Variants in ING1 observed in about 807,000 individuals in gnomAD.
ING1 encodes the protein inhibitor of growth protein 1.
Under a neutral mutation model 23.1 loss-of-function variants are expected in ING1, and 4 were observed. That is an observed-to-expected ratio of 0.17 (90% confidence interval 0.09 to 0.40). The LOEUF (loss-of-function observed/expected upper bound fraction) is 0.40. ING1 is among the 10% of genes least tolerant of loss of function. The probability of loss-of-function intolerance (pLI) is 1.00; values close to 1 mark genes in which losing one functional copy is unlikely to be tolerated. For missense variants in ING1, 256 were observed against 393.8 expected (o/e 0.65, Z 2.96); for synonymous variants, 179 against 166.4 (o/e 1.08, Z -0.58).
At chr13:110,714,886 T>TAGGGGCCGACTGCG in intron 1 of ING1, 1 of 707,704 alleles carries the variant, frequency 1.4e-6, no homozygotes, top group Non-Finnish European at 1.7e-6. Flanking sequence ...GGACACCGAG[T>TAGGGGCCGACTGCG]AGGGGCCGAC....
chr13:110,713,297 G>T, upstream of ING1: 2 of 1,236,908 alleles, frequency 1.6e-6, no homozygotes, highest in Non-Finnish European at 2.0e-6. Flanking sequence ...GGTAGTTGCT[G>T]TGTACCATGG....
intron 1 of ING1, among the ~76,000 whole-genome samples, chr13:110,714,817 C>G (rs1199927121): frequency 1.3e-5 from 2 of 152,244 alleles, no homozygotes; most frequent in African/African-American, 4.8e-5. Flanking sequence ...CCGGGTAGTA[C>G]TCCGCTCGGG....
rs1326757059 is a variant in ING1, at chr13:110,721,265, TTTTCATTTATTA to T, written c.*1337_*1348del. Reference sequence around the variant, plus strand: ...CCACATATTGAAAGGGTCAGTGGAGTTTTCATTTATTATTTTTTATTTTTTTGAGATTGAGTT... The same window carrying T: ...CCACATATTGAAAGGGTCAGTGGAGTTTTTTTATTTTTTTGAGATTGAGTT... On this transcript the variant is annotated 3_prime_UTR_variant, in exon 2 of 2. Coordinates refer to ENST00000333219, the MANE Select transcript of ING1 (RefSeq NM_198219.3). 1.3e-5 allele frequency: 2 copies of T among 152,276 alleles called. No homozygotes were observed. Among genetic ancestry groups the T allele is most frequent in the Non-Finnish European group, 2.9e-5 (2 of 67,996 alleles). The allele number at this position is 152,276 out of a possible 1,614,324, so 9.4% of individuals were successfully genotyped here.
At chr13:110,713,339 G>T (rs2064060766), upstream of ING1, 2 of 1,110,480 alleles carry the variant, frequency 1.8e-6, no homozygotes, top group African/African-American at 1.6e-5. Flanking sequence ...GGCCCGTTAG[G>T]TCCTGGTCGG....
intron 1 of ING1, among the ~76,000 whole-genome samples, chr13:110,714,598 T>A (rs1012519856): frequency 6.6e-6 from 1 of 152,128 alleles, no homozygotes; most frequent in East Asian, 1.9e-4. Flanking sequence ...CCAAGCCGCG[T>A]CCTCTAGGAG....
chr13:110,712,862 C>T, upstream of ING1: 4 of 1,274,686 alleles, frequency 3.1e-6, no homozygotes, highest in South Asian at 3.8e-5. Flanking sequence ...GCCCCTTTGT[C>T]TCCAAGCCGT....
At chr13:110,716,056 C>T (rs751703602) in intron 1 of ING1, 22 of 1,474,632 alleles carry the variant, frequency 1.5e-5, no homozygotes, top group Non-Finnish European at 1.5e-5. Flanking sequence ...GGCGCAGAAA[C>T]TTTTCTGGAA....
In ING1 at chr13:110,714,002, G is replaced by A. The variant is rs2064075459; in HGVS notation, c.-148G>A. The A allele has an allele frequency of 2.6e-6, 3 of 1,163,920 alleles. No homozygotes were observed. The highest frequency in any genetic ancestry group is 7.3e-5 in the South Asian group (2 of 27,490). 72.1% of individuals were successfully genotyped at this position (1,163,920 alleles called of 1,614,324 possible). Reference sequence around the variant, plus strand: ...CCGGAGGCGGCGGACGGGCTCGGCAGATGTAGCCGCCGGGCCGAAGCAGGA... The same window carrying A: ...CCGGAGGCGGCGGACGGGCTCGGCAAATGTAGCCGCCGGGCCGAAGCAGGA... On this transcript the variant is annotated 5_prime_UTR_variant, in exon 1 of 2. Transcript: ENST00000333219.
upstream of ING1, chr13:110,712,763 G>C (rs997965436): frequency 4.2e-6 from 3 of 706,486 alleles, no homozygotes; most frequent in Non-Finnish European, 7.7e-6. Context: ...CATGACACAG[G>C]GCGGGAAGAG....
intron 1 of ING1, chr13:110,715,657 T>C (rs150339955): frequency 8.1e-6 from 13 of 1,611,866 alleles, no homozygotes; most frequent in African/African-American, 1.3e-5. Flanking sequence ...TTCTCGCTGC[T>C]GGGGCGGGCC....
chr13:110,712,945 G>A, upstream of ING1: 1 of 1,559,210 alleles, frequency 6.4e-7, no homozygotes. Flanking sequence ...AGCCGCCTAG[G>A]CTGCTGGGAG....
chr13:110,713,858 C>T lies in ING1; in HGVS notation c.-292C>T. 2.0e-6 allele frequency: 2 copies of T among 981,930 alleles called. No individual in the cohort carries two copies. The highest frequency in any genetic ancestry group is 4.7e-5 in the South Asian group (1 of 21,274). The allele number at this position is 981,930 out of a possible 1,614,324, so 60.8% of individuals were successfully genotyped here. A position where few individuals can be genotyped will look rare whatever the true frequency, so the allele number is the denominator to read the frequency against. Reference sequence around the variant, plus strand: ...CCGCCGGTGTGTGCGCGCTCGTACGCGCGGCCCCCGGCGCCAGCCCCGCCG... The same window carrying T: ...CCGCCGGTGTGTGCGCGCTCGTACGTGCGGCCCCCGGCGCCAGCCCCGCCG... On this transcript the variant is annotated 5_prime_UTR_variant, in exon 1 of 2. Transcript: ENST00000333219.
chr13:110,713,089 C>T (rs1446148453), upstream of ING1: 2 of 1,441,730 alleles, frequency 1.4e-6, no homozygotes, highest in Non-Finnish European at 1.8e-6. Context: ...TTCCGCCTCC[C>T]GGAGGACTTG....
rs1393092906 is a variant in ING1 at position 110,713,928 on chromosome 13, G to A, written c.-222G>A. 1 of 990,840 alleles carries A rather than the reference G, an allele frequency of 1.0e-6. No individual in the cohort carries two copies. Among genetic ancestry groups the A allele is most frequent in the East Asian group, 1.1e-4 (1 of 9,318 alleles). 61.4% of individuals were successfully genotyped at this position (990,840 alleles called of 1,614,324 possible). On this transcript the variant is annotated 5_prime_UTR_variant, in exon 1 of 2. Coordinates refer to ENST00000333219, the MANE Select transcript of ING1 (RefSeq NM_198219.3). ...CGCCGGCCGGGGCGTGCGCCCGGGA[G>A]CCACCGCCACCGCGGCCCGCGCCCT...
At chr13:110,718,305 A>ACT (rs1290862351) in intron 1 of ING1, among the ~76,000 whole-genome samples, 1 of 152,162 alleles carries the variant, frequency 6.6e-6, no homozygotes, top group African/African-American at 2.4e-5. Flanking sequence ...AGTCCCAGCT[A>ACT]CTCAGGAGGC....
rs985230305 is a variant in ING1 at position 110,721,083 on chromosome 13, T to C, written c.*1151T>C. 6.0e-6 allele frequency: 1 copy of C among 167,020 alleles called. No homozygotes were observed. Among genetic ancestry groups the C allele is most frequent in the African/African-American group, 2.4e-5 (1 of 41,478 alleles). The allele number at this position is 167,020 out of a possible 1,614,324, so 10.3% of individuals were successfully genotyped here. On this transcript the variant is annotated 3_prime_UTR_variant, in exon 2 of 2. Coordinates refer to ENST00000333219, the MANE Select transcript of ING1 (RefSeq NM_198219.3). ...AGTTTCAGCGGAACACAGCCGTGCT[T>C]ATGTGCGTATGTATTGTCTGACTGC...
chr13:110,715,387 G>C, intron 1 of ING1: 1 of 1,503,764 alleles, frequency 6.6e-7, no homozygotes. Flanking sequence ...AATTTTATAG[G>C]AACTTCATTA....
upstream of ING1, chr13:110,712,989 GC>G: frequency 6.5e-7 from 1 of 1,549,816 alleles, no homozygotes; most frequent in Non-Finnish European, 8.7e-7. Flanking sequence ...TAGGTCTCCC[GC>G]GCACTCTGCG....
At chr13:110,717,942 T>G (rs1017315564) in intron 1 of ING1, among the ~76,000 whole-genome samples, 1 of 152,244 alleles carries the variant, frequency 6.6e-6, no homozygotes, top group African/African-American at 2.4e-5. Context: ...AAAAGAACTC[T>G]GGAATTTCTG....
Sources: allele counts gnomAD v4.1 joint callset (sites outside exome capture counted in the v4.1 genomes callset), GRCh38; gene constraint gnomAD v4.1.1; transcripts MANE v1.5; gene names NCBI Gene and HGNC (gene_info 2026-07-23, HGNC 2026-07-21).